The following LRRC49 variants were observed in gnomAD, a reference collection of about 807,000 sequenced individuals.
LRRC49 encodes leucine-rich repeat-containing protein 49.
Under a neutral mutation model 83.3 loss-of-function variants are expected in LRRC49, and 50 were observed. That is an observed-to-expected ratio of 0.60 (90% CI 0.48 to 0.76). LRRC49 has a LOEUF of 0.76. LRRC49 is among the 30% of genes least tolerant of loss of function. The pLI, the probability that LRRC49 is intolerant of heterozygous loss-of-function variation, is 0.00. For synonymous variants in LRRC49, 286 were observed against 283.3 expected (o/e 1.01, Z -0.10); for missense variants, 704 against 809.1 (o/e 0.87, Z 1.58).
At chr15:70,892,652 T>C, upstream of LRRC49, 1 of 1,446,372 alleles carries the variant, frequency 6.9e-7, no homozygotes, top group African/African-American at 1.4e-5. Flanking sequence ...CCGCTCTGTT[T>C]TTATGAGGCT....
At chr15:70,980,966 G>A (rs576355737) in intron 10 of LRRC49, among the ~76,000 whole-genome samples, 1 of 152,266 alleles carries the variant, frequency 6.6e-6, no homozygotes, top group Admixed American at 6.5e-5. Context: ...TAAGGTAGAG[G>A]ATTGCTTGAG....
At chr15:70,885,206 A>G (rs1191464736) in intron 2 of LRRC49, among the ~76,000 whole-genome samples, 1 of 152,224 alleles carries the variant, frequency 6.6e-6, no homozygotes, top group African/African-American at 2.4e-5. Context: ...AATATCTAGA[A>G]CAAGGCAGAA....
chr15:70,952,878 A>C (rs1361307056), intron 8 of LRRC49, among the ~76,000 whole-genome samples: 2 of 152,130 alleles, frequency 1.3e-5, no homozygotes, highest in Non-Finnish European at 2.9e-5. Context: ...GCCCTTTATC[A>C]TTATGTAATG....
chr15:70,915,723 T>C (rs1052107327), intron 6 of LRRC49, among the ~76,000 whole-genome samples: 2 of 152,222 alleles, frequency 1.3e-5, no homozygotes, highest in Admixed American at 6.5e-5. Flanking sequence ...CCATGTCTTA[T>C]TACACAGTTT....
At chr15:70,984,567 A>C (rs983217863) in intron 11 of LRRC49, 7 of 176,998 alleles carry the variant, frequency 4.0e-5, no homozygotes, top group African/African-American at 9.5e-5. Context: ...CTGCTATTGC[A>C]GCATCACTGT....
At chr15:71,008,971 A>T (rs1406571073) in intron 12 of LRRC49, among the ~76,000 whole-genome samples, 2 of 151,920 alleles carry the variant, frequency 1.3e-5, no homozygotes, top group African/African-American at 4.8e-5. Context: ...TTTACTGTAT[A>T]ATTTTTACAG....
In LRRC49 at chr15:70,997,274, A is replaced by G. The variant is rs529562377; in HGVS notation, c.1170-11105A>G. The stretch of plus-strand genomic sequence containing the variant: ...TCCTTATGGATTAACCAATTTTTCA[A>G]TATAAAATGTTCTTCCTTGACTCTC... On this transcript the variant is annotated intron_variant, in intron 11 of 15. Transcript: ENST00000260382. Among the ~76,000 whole-genome samples, 7 of 152,290 alleles carry G rather than the reference A, an allele frequency of 4.6e-5. No homozygotes were observed. The East Asian group carries it at 9.6e-4, about 21-fold the overall frequency.
At chr15:70,987,532 CTTT>C (rs1184744177) in intron 11 of LRRC49, among the ~76,000 whole-genome samples, 1 of 151,960 alleles carries the variant, frequency 6.6e-6, no homozygotes, top group African/African-American at 2.4e-5. Flanking sequence ...CTCTTTTCTT[CTTT>C]ATTAGTCTTG....
intron 9 of LRRC49, among the ~76,000 whole-genome samples, chr15:70,975,649 C>T (rs747396232): frequency 4.6e-5 from 7 of 152,084 alleles, no homozygotes; most frequent in African/African-American, 1.4e-4. Flanking sequence ...GCCAAGATCT[C>T]GCCACTGCAC....
At chr15:70,891,581 G>C (rs992228421), upstream of LRRC49, among the ~76,000 whole-genome samples, 5 of 45,784 alleles carry the variant, frequency 1.1e-4, no homozygotes, top group African/African-American at 5.4e-4. Context: ...GTGTGTGTGT[G>C]TGTGTGTGTG....
At chr15:71,001,487 G>A (rs2038252482) in intron 11 of LRRC49, among the ~76,000 whole-genome samples, 1 of 152,080 alleles carries the variant, frequency 6.6e-6, no homozygotes, top group South Asian at 2.1e-4. Context: ...GTGCATATTT[G>A]AGAACACAGC....
chr15:70,963,486 C>T (rs2036680669), intron 8 of LRRC49, among the ~76,000 whole-genome samples: 1 of 152,018 alleles, frequency 6.6e-6, no homozygotes, highest in South Asian at 2.1e-4. Flanking sequence ...ATATGGTATC[C>T]TCCATGGGAT....
At chr15:70,871,379 ATC>A (rs2033030950) in intron 1 of LRRC49, among the ~76,000 whole-genome samples, 1 of 152,086 alleles carries the variant, frequency 6.6e-6, no homozygotes, top group African/African-American at 2.4e-5. Flanking sequence ...CAACAATCTG[ATC>A]TCTCTTTCCT....
intron 14 of LRRC49, among the ~76,000 whole-genome samples, chr15:71,031,374 T>C (rs1043901484): frequency 6.6e-6 from 1 of 152,226 alleles, no homozygotes; most frequent in African/African-American, 2.4e-5. Context: ...GGAAGCTTCG[T>C]CCCAGAGGGG....
chr15:70,979,454 CTT>C (rs773000823), intron 9 of LRRC49, among the ~76,000 whole-genome samples: 1 of 145,154 alleles, frequency 6.9e-6, no homozygotes. Context: ...ACCTGATTAT[CTT>C]TTTTTTTTTG....
At chr15:71,017,760 G>T (rs2038872125) in intron 14 of LRRC49, among the ~76,000 whole-genome samples, 2 of 152,146 alleles carry the variant, frequency 1.3e-5, no homozygotes, top group Non-Finnish European at 2.9e-5. Flanking sequence ...TGGTAGAAGT[G>T]TAACATGACT....
chr15:70,955,030 A>G (rs2036350676), intron 8 of LRRC49, among the ~76,000 whole-genome samples: 1 of 151,556 alleles, frequency 6.6e-6, no homozygotes, highest in South Asian at 2.1e-4. Flanking sequence ...GAGGCACTCC[A>G]GCTTGGGGTG....
At position 70,933,058 on chromosome 15, in the gene LRRC49, T is replaced by C. The variant is rs540828404; in HGVS notation, c.712-3703T>C. ...AGTTCTTTTATGCAGTTTAGGGATATGGACAACAGTGCCTGAGCAGAGTAG... is the reference window on the plus strand; with the variant it reads ...AGTTCTTTTATGCAGTTTAGGGATACGGACAACAGTGCCTGAGCAGAGTAG... On this transcript the variant is annotated intron_variant, in intron 7 of 15. Coordinates refer to ENST00000260382, the MANE Select transcript of LRRC49 (RefSeq NM_017691.5). Among the ~76,000 whole-genome samples, 2 of 152,178 alleles carry C rather than the reference T, an allele frequency of 1.3e-5. 1 individual carries two copies. The highest frequency in any genetic ancestry group is 4.1e-4 in the South Asian group (2 of 4,838).
chr15:70,883,358 A>T (rs1013535005), intron 2 of LRRC49, among the ~76,000 whole-genome samples: 1 of 151,734 alleles, frequency 6.6e-6, no homozygotes, highest in African/African-American at 2.4e-5. Flanking sequence ...CGCCCAGCTA[A>T]TTTTTTTGTA....
Sources: allele counts gnomAD v4.1 joint callset (sites outside exome capture counted in the v4.1 genomes callset), GRCh38; gene constraint gnomAD v4.1.1; transcripts MANE v1.5; gene names NCBI Gene and HGNC (gene_info 2026-07-23, HGNC 2026-07-21).